The following CEP250 variants were observed in gnomAD, a reference collection of about 807,000 sequenced individuals.
The protein encoded by CEP250 is centrosomal protein 250.
CEP250 carries 242 observed loss-of-function variants against 315.7 expected under a neutral mutation model. The observed-to-expected ratio is 0.77, with a 90% CI of 0.69 to 0.85. The LOEUF is 0.85. Ranked by LOEUF, CEP250 falls within the 40% of genes least tolerant of loss-of-function variation. The pLI, the probability that CEP250 is intolerant of heterozygous loss-of-function variation, is 0.00. For missense variants in CEP250, 2,515 were observed against 2,886.4 expected (o/e 0.87, Z 2.95); for synonymous variants, 1,088 against 1,175.0 (o/e 0.93, Z 1.51).
In CEP250 at chr20:35,460,042, C is replaced by T. The variant is rs748306465; in HGVS notation, c.-167C>T. 6 of 152,146 alleles carry T rather than the reference C, an allele frequency of 3.9e-5. No homozygotes were observed. The highest frequency in any genetic ancestry group is 7.3e-5 in the Non-Finnish European group (5 of 68,040). The allele number at this position is 152,146 out of a possible 1,614,324, so 9.4% of individuals were successfully genotyped here. On this transcript the variant is annotated 5_prime_UTR_variant, in exon 3 of 35. Transcript: ENST00000397527. The stretch of plus-strand genomic sequence containing the variant: ...ATAGTTTCCTGGAAGATCTGTGCCT[C>T]CAACCAGCAGAGAGGGATTGAGCTT...
At position 35,479,665 on chromosome 20, in the gene CEP250, G is replaced by A. The variant is rs1242407075; in HGVS notation, c.2308G>A (p.Glu770Lys). The A allele has an allele frequency of 1.9e-6, 3 of 1,614,182 alleles. No homozygotes were observed. In the South Asian group the frequency reaches 3.3e-5, roughly 18 times the overall value. Residue 770 changes from glutamate (E) to lysine (K), a missense_variant, in exon 19 of 35, where the codon GAG becomes AAG. Transcript: ENST00000397527. ...QGLSSAKELLESSLFEAQQQN... is the reference protein window; with the variant it reads ...QGLSSAKELLKSSLFEAQQQN... ...TCACAGCTCAGCCAAGGAGCTACTG[G>A]AGAGCAGTCTGTTTGAAGCCCAACA... is the stretch of plus-strand genomic sequence containing the variant.
At chr20:35,467,179 G>GGGGGGCCCC in intron 8 of CEP250, 107 bp downstream of exon 8, 3 of 534,840 alleles carry the variant, frequency 5.6e-6, no homozygotes, top group Non-Finnish European at 7.1e-6. Flanking sequence ...GGTGGGTGGG[G>GGGGGGCCCC]GAGTTGGTAG....
At position 35,467,346 on chromosome 20, in the gene CEP250, G is replaced by A. The variant is rs1220171465; in HGVS notation, c.642G>A (p.Gly214=). 5.0e-6 allele frequency: 8 copies of A among 1,613,984 alleles called. No individual in the cohort carries two copies. The highest frequency in any genetic ancestry group is 6.8e-6 in the Non-Finnish European group (8 of 1,180,008). The change falls in exon 9 of 35, where the codon GGG becomes GGA. Residue 214 remains glycine, a synonymous_variant. Transcript: ENST00000397527. ...ELKAEHVRLS[G]SLLTCCLRLT... ...AAGCTGAGCATGTGAGGCTTTCAGG[G>A]TCTCTGTTGACCTGTTGTCTGCGCT... is the stretch of plus-strand genomic sequence containing the variant.
In CEP250 at chr20:35,479,277, A is replaced by C; in HGVS notation, c.2141A>C (p.His714Pro). Residue 714 changes from histidine to proline, a missense_variant, in exon 18 of 35, where the codon CAT (histidine) becomes CCT (proline). His to Pro is a moderately conservative substitution (Grantham distance 77, BLOSUM62 -2). Transcript: ENST00000397527. Reference sequence around the variant, plus strand: ...GCCACGACTCAGCTGGAGCAGCTACATCAGGAGGCAAAGCGACAGGAAGAA... The same window carrying C: ...GCCACGACTCAGCTGGAGCAGCTACCTCAGGAGGCAAAGCGACAGGAAGAA... ...EAATTQLEQL[H>P]QEAKRQEEVL... The C allele has an allele frequency of 1.2e-6, 2 of 1,614,190 alleles. No homozygotes were observed. Among genetic ancestry groups the C allele is most frequent in the Non-Finnish European group, 1.7e-6 (2 of 1,180,010 alleles).
In CEP250 at chr20:35,479,291, C is replaced by T. The variant is rs1051944154; in HGVS notation, c.2155C>T (p.Arg719Ter). The change falls in exon 18 of 35, where the codon CGA (arginine) becomes TGA (stop). Residue 719 changes from arginine to a stop codon, truncating the protein, a stop_gained. Transcript: ENST00000397527. LOFTEE classifies it high-confidence loss of function. ...QLEQLHQEAK[R>*]QEEVLARAVQ... ...GGAGCAGCTACATCAGGAGGCAAAGCGACAGGAAGAAGTGCTTGCCAGGGC... is the reference window on the plus strand; with the variant it reads ...GGAGCAGCTACATCAGGAGGCAAAGTGACAGGAAGAAGTGCTTGCCAGGGC... 5.6e-6 allele frequency: 9 copies of T among 1,614,042 alleles called. No individual in the cohort carries two copies. Among genetic ancestry groups the T allele is most frequent in the Admixed American group, 3.3e-5 (2 of 59,994 alleles).
In CEP250 at chr20:35,460,995, T is replaced by C. The variant is rs1444272920; in HGVS notation, c.-104+890T>C. On this transcript the variant is annotated intron_variant, in intron 3 of 34. Transcript: ENST00000397527. The stretch of plus-strand genomic sequence containing the variant: ...AACATATGTATTCTCTCTGTGTATA[T>C]AGCTATAAAAGTGACTAACTCTTCC... Among the ~76,000 whole-genome samples the C allele has an allele frequency of 2.6e-5, 4 of 152,324 alleles. No individual in the cohort carries two copies. The East Asian group carries it at 7.7e-4, about 29-fold the overall frequency.
At chr20:35,501,697 C>A (rs1035792670) in intron 28 of CEP250, 148 bp from the exon 29 acceptor site, 12 of 859,886 alleles carry the variant, frequency 1.4e-5, no homozygotes, top group Non-Finnish European at 1.9e-5. Context: ...TCCTTGATAT[C>A]TCTAGGACAC....
In CEP250 at chr20:35,504,683, A is replaced by G; in HGVS notation, c.6314A>G (p.Gln2105Arg). ...SVRELQLTLA[Q>R]KEQEILELRE... Reference sequence around the variant, plus strand: ...AGGGAGCTACAGCTGACTCTAGCCCAAAAGGAACAGGAGATTCTGGAGCTG... The same window carrying G: ...AGGGAGCTACAGCTGACTCTAGCCCGAAAGGAACAGGAGATTCTGGAGCTG... The change falls in exon 30 of 35, where the codon CAA (glutamine) becomes CGA (arginine). Residue 2105 changes from glutamine to arginine, a missense_variant. Physicochemically the swap from Gln to Arg is conservative, Grantham distance 43. Transcript: ENST00000397527. The G allele has an allele frequency of 6.2e-7, 1 of 1,614,204 alleles. No homozygotes were observed. The highest frequency in any genetic ancestry group is 1.1e-5 in the South Asian group (1 of 91,084).
rs1310158301 is a variant in CEP250 at position 35,473,938 on chromosome 20, C to A, written c.1457C>A (p.Ala486Glu). The A allele has an allele frequency of 6.2e-7, 1 of 1,612,492 alleles. No individual in the cohort carries two copies. The highest frequency in any genetic ancestry group is 8.5e-7 in the Non-Finnish European group (1 of 1,179,508). ...CAGCTGGAGGTGCTAGAGCAGGAGG[C>A]ATGGCGCCTGCGAAGGGTAAATGTG... Reference protein sequence around the residue: ...RQQLEVLEQEAWRLRRVNVEL... With the variant: ...RQQLEVLEQEEWRLRRVNVEL... The change falls in exon 14 of 35, where the codon GCA (alanine) becomes GAA (glutamate). Residue 486 changes from alanine (A) to glutamate (E), a missense_variant. Physicochemically the swap from Ala to Glu is moderately radical, Grantham distance 107. Transcript: ENST00000397527.
chr20:35,476,697 T>G, intron 16 of CEP250, 102 bp downstream of exon 16: 1 of 1,012,332 alleles, frequency 9.9e-7, no homozygotes, highest in South Asian at 1.5e-5. Flanking sequence ...AAAAGGAACA[T>G]TTACAATGCA....
chr20:35,493,141 G>A (rs1484682763), intron 22 of CEP250, among the ~76,000 whole-genome samples: 1 of 151,992 alleles, frequency 6.6e-6, no homozygotes, highest in Non-Finnish European at 1.5e-5. Context: ...AGAGAATAGT[G>A]TGTGTGTGTT....
Position 35,498,669 on chromosome 20 carries a change from G to C in CEP250, c.3730G>C (p.Ala1244Pro), listed in dbSNP as rs376549355. Residue 1244 changes from alanine (A) to proline (P), a missense_variant, in exon 27 of 35, where the codon GCC becomes CCC. Transcript: ENST00000397527. Reference sequence around the variant, plus strand: ...TCTCTCCGCTGAGGCAGTAGCATCTGCCCTCCACAAGCTTCATCAAGACCT... The same window carrying C: ...TCTCTCCGCTGAGGCAGTAGCATCTCCCCTCCACAAGCTTCATCAAGACCT... Reference protein sequence around the residue: ...TALSAEAVASALHKLHQDLWK... With the variant: ...TALSAEAVASPLHKLHQDLWK... 2.2e-5 allele frequency: 36 copies of C among 1,605,928 alleles called. No individual in the cohort carries two copies. Among genetic ancestry groups the C allele is most frequent in the Non-Finnish European group, 2.9e-5 (34 of 1,177,680 alleles).
rs942110168 is a variant in CEP250 at position 35,517,134 on chromosome 20, C to T, written c.*5508C>T. 19 of 497,092 alleles carry T rather than the reference C, an allele frequency of 3.8e-5. No homozygotes were observed. In the South Asian group the frequency reaches 6.9e-4, roughly 18 times the overall value. The allele number at this position is 497,092 out of a possible 1,614,324, so 30.8% of individuals were successfully genotyped here. ...ACACCTCCTTCCAGCACCTTAGCTC[C>T]TGCCTCCCTCTGGACCTATTCAGTC... On this transcript the variant is annotated 3_prime_UTR_variant, in exon 35 of 35. Coordinates refer to ENST00000397527, the MANE Select transcript of CEP250 (RefSeq NM_007186.6).
intron 8 of CEP250, 107 bp downstream of exon 8, chr20:35,467,179 G>GGGGGGGGGGGGGGCGCCCCCCCCC: frequency 1.9e-6 from 1 of 534,912 alleles, no homozygotes. Context: ...GGTGGGTGGG[G>GGGGGGGGGGGGGGCGCCCCCCCCC]GAGTTGGTAG....
chr20:35,504,555 G>A lies in CEP250; in HGVS notation c.6186G>A (p.Glu2062=). ...AGCAGGAACGGGAGCAGCTGCTGGA[G>A]AAGTCTCTGGCCCAGAGGGTCCAAG... is the stretch of plus-strand genomic sequence containing the variant. The part of the protein sequence containing the change: ...RHQQEREQLL[E]KSLAQRVQEN... Residue 2062 remains glutamate (E), a synonymous_variant, in exon 30 of 35, where the codon GAG becomes GAA. Coordinates refer to ENST00000397527, the MANE Select transcript of CEP250 (RefSeq NM_007186.6). The A allele has an allele frequency of 6.2e-7, 1 of 1,614,118 alleles. No individual in the cohort carries two copies.
intron 7 of CEP250, 104 bp from the exon 8 acceptor site, chr20:35,466,862 G>A (rs2062891258): frequency 2.8e-6 from 2 of 717,240 alleles, no homozygotes; most frequent in South Asian, 3.2e-5. Context: ...TCTCCTGTAA[G>A]TCCCTCCTTC....
chr20:35,463,758 C>A, intron 5 of CEP250, 127 bp downstream of exon 5: 21 of 608,058 alleles, frequency 3.5e-5, no homozygotes, highest in Non-Finnish European at 5.0e-5. Context: ...TCTTTCTCAG[C>A]CTCTGAGAGG....
intron 30 of CEP250, among the ~76,000 whole-genome samples, chr20:35,505,870 C>G (rs1023337452): frequency 2.0e-5 from 3 of 152,038 alleles, no homozygotes; most frequent in Non-Finnish European, 2.9e-5. Context: ...TGCTGAGGAC[C>G]TGGGTGGTGG....
At position 35,508,979 on chromosome 20, in the gene CEP250, A is replaced by G. The variant is rs114001563; in HGVS notation, c.6943A>G (p.Met2315Val). Residue 2315 changes from methionine to valine, a missense_variant, in exon 33 of 35, where the codon ATG becomes GTG. Met to Val is a conservative substitution (Grantham distance 21). Coordinates refer to ENST00000397527, the MANE Select transcript of CEP250 (RefSeq NM_007186.6). ...ACGGAGGAAGCTGAAGAGGGAGGCCATGCGTGCGGCCCAGGCAGGGTCCCT... is the reference window on the plus strand; with the variant it reads ...ACGGAGGAAGCTGAAGAGGGAGGCCGTGCGTGCGGCCCAGGCAGGGTCCCT... ...RERRKLKREA[M>V]RAAQAGSLEI... is the part of the protein sequence containing the mutation. 2.1e-3 allele frequency: 3,208 copies of G among 1,557,846 alleles called. 8 individuals are homozygous for G. The highest frequency in any genetic ancestry group is 2.2e-3 in the Non-Finnish European group (2,486 of 1,150,010).
Sources: allele counts gnomAD v4.1 joint callset (sites outside exome capture counted in the v4.1 genomes callset), GRCh38; gene constraint gnomAD v4.1.1; transcripts MANE v1.5; gene names NCBI Gene and HGNC (gene_info 2026-07-23, HGNC 2026-07-21).